VAV2: variants seen among roughly 807,000 people sequenced by gnomAD.
VAV2 encodes guanine nucleotide exchange factor VAV2.
Under a neutral mutation model 132.5 loss-of-function variants are expected in VAV2, and 67 were observed. The ratio of observed to expected loss-of-function variants is 0.51; its 90% CI spans 0.42 to 0.62. VAV2 has a LOEUF of 0.62. Ranked by LOEUF, VAV2 falls within the 20% of genes least tolerant of loss-of-function variation. The probability of loss-of-function intolerance (pLI) is 0.00; values close to 1 mark genes in which losing one functional copy is unlikely to be tolerated. For synonymous variants in VAV2, 492 were observed against 443.5 expected (o/e 1.11, Z -1.37); for missense variants, 938 against 1,153.6 (o/e 0.81, Z 2.71).
At chr9:133,782,236 T>G (rs538601736) in intron 19 of VAV2, among the ~76,000 whole-genome samples, 1 of 152,330 alleles carries the variant, frequency 6.6e-6, no homozygotes, top group South Asian at 2.1e-4. Flanking sequence ...TTCTTTTTTT[T>G]TCCTCCAAAT....
At chr9:133,830,502 G>T (rs1836221805) in intron 4 of VAV2, among the ~76,000 whole-genome samples, 1 of 152,274 alleles carries the variant, frequency 6.6e-6, no homozygotes, top group Admixed American at 6.5e-5. Context: ...TCCTCCTTTT[G>T]CTCTGCCCTT....
In VAV2 at chr9:133,769,800, G is replaced by C. The variant is rs1377059138; in HGVS notation, c.2348-297C>G. 6.6e-6 allele frequency among the ~76,000 whole-genome samples: 1 copy of C among 152,202 alleles called. No individual in the cohort carries two copies. The stretch of plus-strand genomic sequence containing the variant: ...CTGGCACATAGCAGGTGCTCACTAA[G>C]GCCAGCTGTTCCTCTCCTGTCCAGC... On this transcript the variant is annotated intron_variant, in intron 27 of 29. Coordinates refer to ENST00000371850, the MANE Select transcript of VAV2 (RefSeq NM_001134398.2). This position sits in a 1 kb window ranked among gnomAD's most constrained non-coding sequence, Gnocchi z 8.1.
chr9:133,870,034 C>T (rs924129028), intron 2 of VAV2, among the ~76,000 whole-genome samples: 10 of 151,914 alleles, frequency 6.6e-5, no homozygotes, highest in East Asian at 1.9e-4. Flanking sequence ...GTGGAAAGCA[C>T]GGACAGAAAA....
intron 1 of VAV2, among the ~76,000 whole-genome samples, chr9:133,965,641 C>A (rs965548492): frequency 4.6e-5 from 7 of 152,100 alleles, no homozygotes; most frequent in Admixed American, 1.3e-4. Context: ...CAAGCAGTCA[C>A]CAAAAATGGA....
At chr9:133,848,781 T>C (rs1338273195) in intron 3 of VAV2, among the ~76,000 whole-genome samples, 1 of 152,186 alleles carries the variant, frequency 6.6e-6, no homozygotes, top group Non-Finnish European at 1.5e-5. Context: ...CAGGCTCCCC[T>C]GAACTCCTGG....
In VAV2 at chr9:133,956,022, G is replaced by C. The variant is rs142698975; in HGVS notation, c.205-16803C>G. ...TCTGCTCCTTCCCTGCTTACTCGCA[G>C]AGTCAAGACCTGGAGCCCACGGGGC... On this transcript the variant is annotated intron_variant, in intron 1 of 29. Coordinates refer to ENST00000371850, the MANE Select transcript of VAV2 (RefSeq NM_001134398.2). 2.6e-5 allele frequency among the ~76,000 whole-genome samples: 4 copies of C among 151,658 alleles called. No individual in the cohort carries two copies. In the East Asian group the frequency reaches 8.0e-4, roughly 30 times the overall value.
At position 133,823,657 on chromosome 9, in the gene VAV2, G is replaced by A. The variant is rs116388255; in HGVS notation, c.449+10615C>T. ...ACAGCACAGCCCTCTCATTCGGGCCGAAGCCCAGCTGCCTACTCCTTCCTG... is the reference window on the plus strand; with the variant it reads ...ACAGCACAGCCCTCTCATTCGGGCCAAAGCCCAGCTGCCTACTCCTTCCTG... On this transcript the variant is annotated intron_variant, in intron 4 of 29. Transcript: ENST00000371850. The surrounding 1 kb of genome is among the most constrained non-coding windows in gnomAD (Gnocchi z 5.5). Among the ~76,000 whole-genome samples the A allele has an allele frequency of 6.6e-6, 1 of 152,128 alleles. No homozygotes were observed. The highest frequency in any genetic ancestry group is 1.9e-4 in the East Asian group (1 of 5,178).
chr9:133,773,568 C>G (rs1833710446), intron 25 of VAV2, among the ~76,000 whole-genome samples: 1 of 152,156 alleles, frequency 6.6e-6, no homozygotes, highest in Non-Finnish European at 1.5e-5. Context: ...TAATACTTAG[C>G]TTAAAACACA....
chr9:133,967,757 C>A (rs1842191791), intron 1 of VAV2, among the ~76,000 whole-genome samples: 1 of 38,992 alleles, frequency 2.6e-5, no homozygotes, highest in Admixed American at 1.8e-4. Flanking sequence ...CGTGGTGAAA[C>A]CCCATCTCCT....
At chr9:133,847,855 T>C (rs1244958592) in intron 3 of VAV2, among the ~76,000 whole-genome samples, 1 of 152,050 alleles carries the variant, frequency 6.6e-6, no homozygotes, top group African/African-American at 2.4e-5. Flanking sequence ...ACGGGGCAGC[T>C]CCAGAAGGGC....
rs117930080 is a variant in VAV2, at chr9:133,971,448, G to A, written c.204+20627C>T. Among the ~76,000 whole-genome samples the A allele has an allele frequency of 9.8e-3, 1,494 of 152,208 alleles. 13 individuals are homozygous for A. Among genetic ancestry groups the A allele is most frequent in the Non-Finnish European group, 0.015 (1,038 of 67,974 alleles). ...TAGAAACTGTCCTGGCCAGGCCCAC[G>A]GCCCACACACACACAGAGGGGCAGC... On this transcript the variant is annotated intron_variant, in intron 1 of 29. Coordinates refer to ENST00000371850, the MANE Select transcript of VAV2 (RefSeq NM_001134398.2).
chr9:133,888,371 T>G (rs1269445349), intron 2 of VAV2, among the ~76,000 whole-genome samples: 1 of 118,652 alleles, frequency 8.4e-6, no homozygotes, highest in African/African-American at 2.7e-5. Flanking sequence ...TTCTGTGTAT[T>G]TTACCACAGT....
At chr9:133,950,390 C>T (rs568851332) in intron 1 of VAV2, among the ~76,000 whole-genome samples, 7 of 151,942 alleles carry the variant, frequency 4.6e-5, no homozygotes, top group Admixed American at 1.3e-4. Context: ...CATGCTAGGC[C>T]GCCGCCCAGC....
intron 2 of VAV2, chr9:133,927,694 A>T (rs1840529251): frequency 6.6e-6 from 1 of 151,958 alleles, no homozygotes; most frequent in South Asian, 2.1e-4. Context: ...CTATTCCTTC[A>T]CCCCTCAGCC....
intron 1 of VAV2, among the ~76,000 whole-genome samples, chr9:133,959,934 C>T (rs1841912069): frequency 6.6e-6 from 1 of 152,154 alleles, no homozygotes; most frequent in South Asian, 2.1e-4. Flanking sequence ...CTCTGGCCTC[C>T]GGAACTGGAG....
intron 2 of VAV2, among the ~76,000 whole-genome samples, chr9:133,890,193 A>C (rs1244002695): frequency 2.6e-5 from 4 of 151,906 alleles, no homozygotes; most frequent in Admixed American, 1.3e-4. Context: ...CACAGCCGAG[A>C]CTCCAGGGGG....
At chr9:133,854,650 G>A (rs1837319169) in intron 3 of VAV2, among the ~76,000 whole-genome samples, 1 of 150,440 alleles carries the variant, frequency 6.6e-6, no homozygotes, top group Non-Finnish European at 1.5e-5. Flanking sequence ...GCTGGAGGGG[G>A]CCAGACCCCA....
At chr9:133,844,930 C>T (rs1476504432) in intron 3 of VAV2, among the ~76,000 whole-genome samples, 2 of 152,256 alleles carry the variant, frequency 1.3e-5, no homozygotes, top group African/African-American at 4.8e-5. Context: ...CCTCAGCAGC[C>T]CCAACCAGGA....
rs111773752 is a variant in VAV2 at position 133,818,283 on chromosome 9, G to A, written c.450-6067C>T. Among the ~76,000 whole-genome samples the A allele has an allele frequency of 8.6e-5, 13 of 151,260 alleles. No homozygotes were observed. The South Asian group carries it at 2.1e-3, about 24-fold the overall frequency. ...CAAGAGGCTGAGGCAGGAGAATGGC[G>A]TGAACCTGGGAGGCAGAGCTTGCAG... On this transcript the variant is annotated intron_variant, in intron 4 of 29. Coordinates refer to ENST00000371850, the MANE Select transcript of VAV2 (RefSeq NM_001134398.2).
Sources: allele counts gnomAD v4.1 joint callset (sites outside exome capture counted in the v4.1 genomes callset), GRCh38; gene constraint gnomAD v4.1.1; non-coding constraint Gnocchi (gnomAD v3.1); transcripts MANE v1.5; gene names NCBI Gene and HGNC (gene_info 2026-07-23, HGNC 2026-07-21).